Variants in NMU observed in about 807,000 individuals in gnomAD.
The protein encoded by NMU is neuromedin U.
In NMU, 29 loss-of-function variants were observed where a neutral mutation model predicts 35.4. The ratio of observed to expected loss-of-function variants is 0.82; its 90% confidence interval spans 0.61 to 1.12. The LOEUF (loss-of-function observed/expected upper bound fraction) is 1.12. NMU is among the 50% of genes most tolerant of loss of function. The pLI is 0.00. For synonymous variants in NMU, 78 were observed against 81.3 expected (o/e 0.96, Z 0.22); for missense variants, 199 against 206.2 (o/e 0.97, Z 0.21).
intron 8 of NMU, among the ~76,000 whole-genome samples, chr4:55,599,398 T>G (rs1733335773): frequency 6.6e-6 from 1 of 152,214 alleles, no homozygotes; most frequent in South Asian, 2.1e-4. Context: ...TCTGAGGTGC[T>G]GCTAATGCTG....
chr4:55,634,296 T>A (rs1215268012), intron 1 of NMU, among the ~76,000 whole-genome samples: 1 of 152,098 alleles, frequency 6.6e-6, no homozygotes, highest in Admixed American at 6.6e-5. Flanking sequence ...ATAAAATTAG[T>A]TTTTTTAGTA....
At chr4:55,607,149 T>C in intron 6 of NMU, 149 bp downstream of exon 6, 1 of 621,782 alleles carries the variant, frequency 1.6e-6, no homozygotes, top group South Asian at 2.0e-5. Context: ...ATCAAATGTA[T>C]AATAAATATT....
chr4:55,600,085 A>G (rs1381166922), intron 8 of NMU, among the ~76,000 whole-genome samples: 1 of 152,200 alleles, frequency 6.6e-6, no homozygotes, highest in Non-Finnish European at 1.5e-5. Context: ...CAGAACTGTA[A>G]TCCTGAAATT....
intron 6 of NMU, among the ~76,000 whole-genome samples, chr4:55,606,822 C>T (rs1733699967): frequency 6.6e-6 from 1 of 151,902 alleles, no homozygotes; most frequent in Admixed American, 6.6e-5. Flanking sequence ...AGACCACAGG[C>T]GTGCCCCACC....
chr4:55,616,928 G>A (rs1199733981), intron 2 of NMU, among the ~76,000 whole-genome samples: 5 of 152,096 alleles, frequency 3.3e-5, no homozygotes, highest in Admixed American at 6.5e-5. Flanking sequence ...AGCTACAGTT[G>A]GCAACTAACT....
At chr4:55,627,208 T>C (rs1734568530) in intron 2 of NMU, among the ~76,000 whole-genome samples, 1 of 152,170 alleles carries the variant, frequency 6.6e-6, no homozygotes, top group Non-Finnish European at 1.5e-5. Flanking sequence ...CTAGTCTCTG[T>C]TCCATTGGTT....
intron 7 of NMU, 133 bp downstream of exon 7, chr4:55,605,142 A>G: frequency 1.3e-6 from 1 of 741,852 alleles, no homozygotes; most frequent in Non-Finnish European, 2.5e-6. Flanking sequence ...AGATGCTCTT[A>G]CATTGGCTAA....
At chr4:55,606,332 A>G (rs1318285025) in intron 6 of NMU, among the ~76,000 whole-genome samples, 1 of 152,322 alleles carries the variant, frequency 6.6e-6, no homozygotes, top group African/African-American at 2.4e-5. Context: ...GTTGGTTAAC[A>G]TTTTTAAAAC....
chr4:55,603,354 CATA>C (rs1285623636), intron 7 of NMU, among the ~76,000 whole-genome samples: 4 of 151,590 alleles, frequency 2.6e-5, no homozygotes, highest in Non-Finnish European at 5.9e-5. Flanking sequence ...TTAAAAATAA[CATA>C]ATAAAAGTAT....
At chr4:55,635,963 C>T (rs1715891941) in intron 1 of NMU, 118 bp downstream of exon 1, 1 of 1,503,378 alleles carries the variant, frequency 6.7e-7, no homozygotes. Flanking sequence ...ACCAGAGAAG[C>T]CAAGTGAAGT....
At chr4:55,630,545 TTTC>T (rs747764399) in intron 1 of NMU, 85 bp from the exon 2 acceptor site, 94 of 1,033,746 alleles carry the variant, frequency 9.1e-5, no homozygotes, top group Non-Finnish European at 1.3e-4. Flanking sequence ...TCTCGCACAC[TTTC>T]TTCATTTTTC....
intron 2 of NMU, among the ~76,000 whole-genome samples, chr4:55,628,616 A>G (rs1162291570): frequency 6.6e-6 from 1 of 152,014 alleles, no homozygotes; most frequent in Admixed American, 6.6e-5. Context: ...CTCTTGCCTC[A>G]GCCTCCTGAG....
At chr4:55,629,472 A>T (rs528881650) in intron 2 of NMU, among the ~76,000 whole-genome samples, 1 of 151,922 alleles carries the variant, frequency 6.6e-6, no homozygotes, top group East Asian at 1.9e-4. Flanking sequence ...TACAAAAATT[A>T]GCTGGGCATG....
intron 3 of NMU, among the ~76,000 whole-genome samples, chr4:55,611,696 C>T (rs1733938206): frequency 6.6e-6 from 1 of 152,106 alleles, no homozygotes; most frequent in Non-Finnish European, 1.5e-5. Flanking sequence ...TTACAACTGC[C>T]CACAATATTC....
chr4:55,599,308 C>A, intron 8 of NMU, 127 bp from the exon 9 acceptor site: 1 of 747,450 alleles, frequency 1.3e-6, no homozygotes, highest in Non-Finnish European at 2.4e-6. Context: ...CTTTTTACAA[C>A]ATAGACTGCT....
intron 7 of NMU, among the ~76,000 whole-genome samples, chr4:55,602,078 TA>T (rs1395355848): frequency 6.6e-6 from 1 of 152,180 alleles, no homozygotes; most frequent in Non-Finnish European, 1.5e-5. Context: ...AGACAAAATG[TA>T]AATTTAAATG....
chr4:55,619,861 AC>A (rs1425602878), intron 2 of NMU, among the ~76,000 whole-genome samples: 4 of 131,792 alleles, frequency 3.0e-5, no homozygotes, highest in African/African-American at 8.0e-5. Flanking sequence ...CTGACCCCTG[AC>A]CCCCGAGCAG....
chr4:55,600,438 T>A lies in NMU; in HGVS notation c.489+84A>T. 1.5e-5 allele frequency: 14 copies of A among 922,036 alleles called. No individual in the cohort carries two copies. In the South Asian group the frequency reaches 2.0e-4, roughly 13 times the overall value. The allele number at this position is 922,036 out of a possible 1,614,324, so 57.1% of individuals were successfully genotyped here. On this transcript the variant is annotated intron_variant, in intron 8 of 9. Transcript: ENST00000264218. Reference sequence around the variant, plus strand: ...ACATCTATAAACTTTAAAACTTAATTGAAATGTAAAAGTTAAATACACAGG... The same window carrying A: ...ACATCTATAAACTTTAAAACTTAATAGAAATGTAAAAGTTAAATACACAGG...
chr4:55,617,413 A>G (rs1400057660), intron 2 of NMU, among the ~76,000 whole-genome samples: 1 of 151,900 alleles, frequency 6.6e-6, no homozygotes, highest in Non-Finnish European at 1.5e-5. Flanking sequence ...TCTTCCCTTT[A>G]TGTCCCAAAT....
Sources: gnomAD v4.1 joint callset for allele counts (sites outside exome capture counted in the v4.1 genomes callset) on GRCh38, gnomAD v4.1.1 for gene constraint, MANE v1.5 for transcripts, NCBI Gene and HGNC (gene_info 2026-07-23, HGNC 2026-07-21) for gene names.